The following LRRN2 variants were observed in gnomAD, a reference collection of about 807,000 sequenced individuals.
The protein encoded by LRRN2 is leucine-rich repeat neuronal protein 2.
Under a neutral mutation model 35.7 loss-of-function variants are expected in LRRN2, and 10 were observed. That is an observed-to-expected ratio of 0.28 (90% CI 0.17 to 0.47). The LOEUF is 0.47. Among genes scored for constraint, LRRN2 ranks in the 20% least tolerant of loss-of-function variants. The pLI is 0.99. For synonymous variants in LRRN2, 391 were observed against 409.6 expected (o/e 0.95, Z 0.55); for missense variants, 731 against 940.3 (o/e 0.78, Z 2.91).
intron 1 of LRRN2, among the ~76,000 whole-genome samples, chr1:204,642,444 G>C (rs1267130295): frequency 6.6e-6 from 1 of 152,170 alleles, no homozygotes; most frequent in Non-Finnish European, 1.5e-5. Flanking sequence ...GGGGTGAAAT[G>C]ACCCCAGGCA....
At chr1:204,623,538 C>T (rs1360342222) in intron 1 of LRRN2, among the ~76,000 whole-genome samples, 1 of 152,270 alleles carries the variant, frequency 6.6e-6, no homozygotes, top group Non-Finnish European at 1.5e-5. Context: ...TCCACCCCCT[C>T]ACTGCTGAGC....
chr1:204,656,188 T>C (rs947752145), intron 1 of LRRN2, among the ~76,000 whole-genome samples: 20 of 152,090 alleles, frequency 1.3e-4, no homozygotes, highest in African/African-American at 3.1e-4. Context: ...GGATTACAGG[T>C]GTGAGCCACC....
chr1:204,679,469 G>C (rs181920937), intron 1 of LRRN2, among the ~76,000 whole-genome samples: 1 of 152,260 alleles, frequency 6.6e-6, no homozygotes, highest in African/African-American at 2.4e-5. Flanking sequence ...GATCAGATAG[G>C]ACAGACCCAT....
At chr1:204,652,557 T>C (rs1351780369) in intron 1 of LRRN2, among the ~76,000 whole-genome samples, 4 of 151,880 alleles carry the variant, frequency 2.6e-5, no homozygotes, top group Admixed American at 1.3e-4. Context: ...TGCAGGGTGG[T>C]GGTTGTAAAG....
chr1:204,632,795 G>A (rs9726913), intron 1 of LRRN2, among the ~76,000 whole-genome samples: 3,775 of 151,960 alleles, frequency 0.025, 126 homozygotes, highest in East Asian at 0.1. Context: ...TTAGCCAGGC[G>A]TGGTGGCGGG....
At chr1:204,674,313 T>A (rs569760672) in intron 1 of LRRN2, among the ~76,000 whole-genome samples, 21 of 57,492 alleles carry the variant, frequency 3.7e-4, no homozygotes, top group African/African-American at 1.3e-3. Flanking sequence ...TCCCCTCCCC[T>A]CCCCTCCTCA....
intron 1 of LRRN2, among the ~76,000 whole-genome samples, chr1:204,659,739 G>C (rs1183817846): frequency 6.6e-6 from 1 of 152,064 alleles, no homozygotes; most frequent in African/African-American, 2.4e-5. Context: ...TATGTGTGAA[G>C]TGTTTAAAAC....
chr1:204,666,644 A>C (rs1266104635), intron 1 of LRRN2, among the ~76,000 whole-genome samples: 1 of 152,182 alleles, frequency 6.6e-6, no homozygotes, highest in African/African-American at 2.4e-5. Flanking sequence ...TACTTGGATG[A>C]ACCTCAAGGA....
intron 1 of LRRN2, among the ~76,000 whole-genome samples, chr1:204,667,540 A>T (rs1182832408): frequency 1.3e-5 from 2 of 152,208 alleles, no homozygotes; most frequent in African/African-American, 4.8e-5. Flanking sequence ...GGACACTGGG[A>T]GTGCCCATAT....
intron 1 of LRRN2, among the ~76,000 whole-genome samples, chr1:204,650,348 A>G (rs923856558): frequency 6.6e-6 from 1 of 152,226 alleles, no homozygotes; most frequent in Non-Finnish European, 1.5e-5. Flanking sequence ...TCCCAGGTGC[A>G]TTGGCTTTGA....
intron 1 of LRRN2, among the ~76,000 whole-genome samples, chr1:204,657,337 TATATACACACAC>T (rs982053814): frequency 6.6e-5 from 7 of 106,568 alleles, no homozygotes; most frequent in African/African-American, 3.4e-4. Context: ...TATATATGTA[TATATACACACAC>T]ACACACACAC....
intron 1 of LRRN2, among the ~76,000 whole-genome samples, chr1:204,639,370 A>C (rs1343481969): frequency 6.6e-6 from 1 of 152,190 alleles, no homozygotes; most frequent in African/African-American, 2.4e-5. Flanking sequence ...ATGGTGGCTC[A>C]TGCCTGTAAT....
At chr1:204,667,180 C>G (rs982869119) in intron 1 of LRRN2, among the ~76,000 whole-genome samples, 1 of 152,026 alleles carries the variant, frequency 6.6e-6, no homozygotes, top group African/African-American at 2.4e-5. Context: ...TTACACAAAA[C>G]CAGGCACACA....
rs1668815143 is a variant in LRRN2 at position 204,675,951 on chromosome 1, TG to T, written c.-227+9368del. On this transcript the variant is annotated intron_variant, in intron 1 of 1. Coordinates refer to ENST00000367177, the MANE Select transcript of LRRN2 (RefSeq NM_201630.2). ...ATGTTGGCAGGCTTAGGCTGTTTTG[TG>T]GGCTGTGCAGAGAGATGGGTCTCTA... Among the ~76,000 whole-genome samples the T allele has an allele frequency of 2.0e-5, 3 of 152,310 alleles. No individual in the cohort carries two copies. In the South Asian group the frequency reaches 6.2e-4, roughly 32 times the overall value.
chr1:204,642,268 C>T (rs1026359099), intron 1 of LRRN2, among the ~76,000 whole-genome samples: 2 of 152,224 alleles, frequency 1.3e-5, no homozygotes, highest in Non-Finnish European at 2.9e-5. Flanking sequence ...CCCCAGACCT[C>T]AAAACTCTGG....
intron 1 of LRRN2, among the ~76,000 whole-genome samples, chr1:204,659,712 C>G (rs1668431653): frequency 6.6e-6 from 1 of 151,914 alleles, no homozygotes; most frequent in Non-Finnish European, 1.5e-5. Context: ...AGTGTATTTA[C>G]TATGCAAATG....
intron 1 of LRRN2, among the ~76,000 whole-genome samples, chr1:204,636,954 G>GA (rs941739176): frequency 2.8e-4 from 42 of 152,270 alleles, no homozygotes; most frequent in African/African-American, 1.0e-3. Context: ...AATATTTAGG[G>GA]AAAAGTGTAC....
Position 204,617,719 on chromosome 1 carries a change from CTT to C in LRRN2, c.*130_*131del, listed in dbSNP as rs1385645651. 1 of 1,052,230 alleles carries C rather than the reference CTT, an allele frequency of 9.5e-7. No homozygotes were observed. The highest frequency in any genetic ancestry group is 1.4e-6 in the Non-Finnish European group (1 of 698,328). The allele number at this position is 1,052,230 out of a possible 1,614,324, so 65.2% of individuals were successfully genotyped here. On this transcript the variant is annotated 3_prime_UTR_variant, in exon 2 of 2. Coordinates refer to ENST00000367177, the MANE Select transcript of LRRN2 (RefSeq NM_201630.2). Reference sequence around the variant, plus strand: ...CCCAGGGCCACAAAGCCCCATCTGTCTTGGCCCAGCTGCCAGGCCTCAAGCAC... The same window carrying C: ...CCCAGGGCCACAAAGCCCCATCTGTCGGCCCAGCTGCCAGGCCTCAAGCAC...
intron 1 of LRRN2, among the ~76,000 whole-genome samples, chr1:204,652,277 C>CCGCCCCCT (rs2102610413): frequency 7.6e-6 from 1 of 130,900 alleles, no homozygotes; most frequent in South Asian, 2.9e-4. Flanking sequence ...CCCCGCCCCC[C>CCGCCCCCT]CGCCGCCTTC....
Sources: gnomAD v4.1 joint callset for allele counts (sites outside exome capture counted in the v4.1 genomes callset) on GRCh38, gnomAD v4.1.1 for gene constraint, MANE v1.5 for transcripts, NCBI Gene and HGNC (gene_info 2026-07-23, HGNC 2026-07-21) for gene names.